The following CNOT6 variants were observed in gnomAD, a reference collection of about 807,000 sequenced individuals.
CNOT6 encodes carbon catabolite repression 4 protein.
A neutral mutation model predicts 61.2 loss-of-function variants in CNOT6; 12 were observed. The observed-to-expected ratio is 0.20, with a 90% CI of 0.13 to 0.32. The LOEUF is 0.32. Among genes scored for constraint, CNOT6 ranks in the 10% least tolerant of loss-of-function variants. The probability of loss-of-function intolerance (pLI) is 1.00; values close to 1 mark genes in which losing one functional copy is unlikely to be tolerated. For synonymous variants in CNOT6, 225 were observed against 240.6 expected (o/e 0.94, Z 0.60); for missense variants, 405 against 663.9 (o/e 0.61, Z 4.28).
chr5:180,571,092 G>A, intron 10 of CNOT6, 138 bp from the exon 11 acceptor site: 2 of 631,246 alleles, frequency 3.2e-6, no homozygotes, highest in Non-Finnish European at 5.6e-6. Flanking sequence ...AATAGATTTG[G>A]GCAAGTCCTG....
At chr5:180,515,937 TCAC>T (rs1757616300) in intron 1 of CNOT6, among the ~76,000 whole-genome samples, 1 of 152,140 alleles carries the variant, frequency 6.6e-6, no homozygotes, top group African/African-American at 2.4e-5. Context: ...GATCAGGGTC[TCAC>T]CGCGTTACCC....
intron 2 of CNOT6, among the ~76,000 whole-genome samples, chr5:180,533,640 C>T (rs1340052773): frequency 1.3e-5 from 2 of 152,046 alleles, no homozygotes; most frequent in Non-Finnish European, 2.9e-5. Flanking sequence ...GTCTTGAGCT[C>T]CTGGCCTCAA....
Position 180,550,080 on chromosome 5 carries a change from A to G in CNOT6, c.262A>G (p.Ser88Gly). The change falls in exon 3 of 12, where the codon AGC becomes GGC. Residue 88 changes from serine (S) to glycine (G), a missense_variant. By Grantham distance (56) the Ser-to-Gly change is moderately conservative. This residue lies in a region of CNOT6 where 212 missense variants were observed against 307.1 expected (regional missense o/e 0.69). Coordinates refer to ENST00000261951, the MANE Select transcript of CNOT6 (RefSeq NM_001370472.1). ...YLDLSSNKIR[S>G]LPAELGNMVS... ...GGACCTGTCATCTAATAAAATTCGT[A>G]GCTTACCCGCAGAACTCGGAAACAT... The G allele has an allele frequency of 1.9e-6, 3 of 1,614,092 alleles. No individual in the cohort carries two copies. Among genetic ancestry groups the G allele is most frequent in the Non-Finnish European group, 1.7e-6 (2 of 1,179,974 alleles).
chr5:180,539,412 TG>T (rs1758898459), intron 2 of CNOT6, among the ~76,000 whole-genome samples: 1 of 151,864 alleles, frequency 6.6e-6, no homozygotes, highest in African/African-American at 2.4e-5. Flanking sequence ...GTTCTTTTCT[TG>T]CTTCTATCAT....
intron 4 of CNOT6, among the ~76,000 whole-genome samples, chr5:180,555,353 A>T (rs1283109477): frequency 6.6e-6 from 1 of 152,134 alleles, no homozygotes; most frequent in Non-Finnish European, 1.5e-5. Context: ...TCTAAGTGTA[A>T]ATGCCTGCAG....
chr5:180,537,680 T>C (rs958430121), intron 2 of CNOT6, among the ~76,000 whole-genome samples: 1 of 152,186 alleles, frequency 6.6e-6, no homozygotes, highest in Non-Finnish European at 1.5e-5. Context: ...GACAGTATTG[T>C]GTCTTCATAT....
chr5:180,537,169 C>T (rs568071699), intron 2 of CNOT6, among the ~76,000 whole-genome samples: 2 of 152,314 alleles, frequency 1.3e-5, no homozygotes, highest in Admixed American at 6.5e-5. Context: ...TAAATACCAA[C>T]GAGGCATGAT....
intron 1 of CNOT6, among the ~76,000 whole-genome samples, 152 bp downstream of exon 1, chr5:180,494,915 C>T (rs1189830125): frequency 5.3e-5 from 8 of 151,904 alleles, no homozygotes; most frequent in South Asian, 2.1e-4. Context: ...TGTTGGGGGC[C>T]CCTTCGACGC....
chr5:180,555,898 TC>T (rs1187055091), intron 4 of CNOT6, among the ~76,000 whole-genome samples: 1 of 152,124 alleles, frequency 6.6e-6, no homozygotes, highest in Admixed American at 6.6e-5. Flanking sequence ...CTTCACTTTT[TC>T]CCCCCACATT....
chr5:180,552,581 G>T (rs1349765304), intron 3 of CNOT6, among the ~76,000 whole-genome samples: 1 of 151,510 alleles, frequency 6.6e-6, no homozygotes, highest in South Asian at 2.1e-4. Flanking sequence ...GGGAGGCGGA[G>T]CTTGCAGTGA....
At chr5:180,554,513 A>G (rs1468947076) in intron 4 of CNOT6, among the ~76,000 whole-genome samples, 5 of 117,942 alleles carry the variant, frequency 4.2e-5, no homozygotes, top group African/African-American at 1.4e-4. Context: ...ATCATAAAAG[A>G]ACAGTTTTTT....
chr5:180,539,436 T>C (rs1392301807), intron 2 of CNOT6, among the ~76,000 whole-genome samples: 1 of 151,776 alleles, frequency 6.6e-6, no homozygotes, highest in African/African-American at 2.4e-5. Context: ...TTTAAATATC[T>C]TTCACCTCAT....
intron 1 of CNOT6, among the ~76,000 whole-genome samples, chr5:180,517,489 A>T (rs1197423287): frequency 6.6e-6 from 1 of 151,848 alleles, no homozygotes; most frequent in Admixed American, 6.6e-5. Context: ...CTTGAAAAAA[A>T]TTCTTTCATA....
In CNOT6 at chr5:180,552,633, G is replaced by A. The variant is rs559491103; in HGVS notation, c.300-753G>A. On this transcript the variant is annotated intron_variant, in intron 3 of 11. Transcript: ENST00000261951. The stretch of plus-strand genomic sequence containing the variant: ...TGCACTCCAGCCTGGGCAATGGAGC[G>A]AGACTCCGTCTCAAAAAAAAAAAAA... Among the ~76,000 whole-genome samples the A allele has an allele frequency of 4.9e-4, 71 of 144,096 alleles. 1 individual carries two copies. In the South Asian group the frequency reaches 0.014, roughly 29 times the overall value. 94.5% of individuals were successfully genotyped at this position (144,096 alleles called of 152,430 possible).
chr5:180,517,526 G>T (rs1274133374), intron 1 of CNOT6, among the ~76,000 whole-genome samples: 2 of 151,140 alleles, frequency 1.3e-5, no homozygotes, highest in African/African-American at 4.9e-5. Context: ...TCATTGTTTT[G>T]TAAAGTAGGG....
chr5:180,517,024 C>T (rs1757665690), intron 1 of CNOT6, among the ~76,000 whole-genome samples: 1 of 152,206 alleles, frequency 6.6e-6, no homozygotes, highest in African/African-American at 2.4e-5. Context: ...CAATTTATTC[C>T]TCCATTAAAC....
chr5:180,533,379 G>A (rs1417677928), intron 2 of CNOT6, among the ~76,000 whole-genome samples: 1 of 148,266 alleles, frequency 6.7e-6, no homozygotes, highest in East Asian at 2.1e-4. Flanking sequence ...GAGGGGAGAC[G>A]CCTCTAAAGT....
At chr5:180,501,879 A>G (rs757440519) in intron 1 of CNOT6, among the ~76,000 whole-genome samples, 5 of 152,138 alleles carry the variant, frequency 3.3e-5, no homozygotes, top group Non-Finnish European at 5.9e-5. Context: ...TTAGGGTGGG[A>G]TGAGATCTGG....
intron 1 of CNOT6, among the ~76,000 whole-genome samples, chr5:180,528,334 G>A (rs1326184505): frequency 2.6e-5 from 4 of 151,898 alleles, no homozygotes; most frequent in Non-Finnish European, 5.9e-5. Flanking sequence ...TTTTTGAGAC[G>A]GAGTCTCGCT....
Sources: gnomAD v4.1 joint callset for allele counts (sites outside exome capture counted in the v4.1 genomes callset) on GRCh38, gnomAD v4.1.1 for gene constraint, gnomAD v4.1.1 regional missense constraint, MANE v1.5 for transcripts, NCBI Gene and HGNC (gene_info 2026-07-23, HGNC 2026-07-21) for gene names.